The following PSMD14 variants were observed in gnomAD, a reference collection of about 807,000 sequenced individuals.
The protein encoded by PSMD14 is proteasome 26S subunit, non-ATPase 14.
A neutral mutation model predicts 41.2 loss-of-function variants in PSMD14; 7 were observed. The observed-to-expected ratio is 0.17, with a 90% confidence interval of 0.10 to 0.32. The LOEUF (loss-of-function observed/expected upper bound fraction) is 0.32. Ranked by LOEUF, PSMD14 falls within the 10% of genes least tolerant of loss-of-function variation. The pLI, the probability that PSMD14 is intolerant of heterozygous loss-of-function variation, is 1.00. For missense variants in PSMD14, 139 were observed against 375.6 expected (o/e 0.37, Z 5.21); for synonymous variants, 114 against 122.3 (o/e 0.93, Z 0.45).
chr2:161,313,137 A>T (rs928219351), intron 1 of PSMD14, among the ~76,000 whole-genome samples: 2 of 152,082 alleles, frequency 1.3e-5, no homozygotes, highest in Non-Finnish European at 2.9e-5. Flanking sequence ...AAGGACAGGG[A>T]ACTTGTAAGT....
chr2:161,350,053 T>C (rs1199852714), intron 3 of PSMD14, among the ~76,000 whole-genome samples: 1 of 152,192 alleles, frequency 6.6e-6, no homozygotes, highest in East Asian at 1.9e-4. Flanking sequence ...GTATGCTTAT[T>C]TAAAGACAAA....
chr2:161,357,771 A>G (rs770749334), intron 3 of PSMD14, among the ~76,000 whole-genome samples: 9 of 152,158 alleles, frequency 5.9e-5, no homozygotes, highest in Non-Finnish European at 1.0e-4. Context: ...TGTATGAAAG[A>G]CGAGACTATT....
intron 2 of PSMD14, 69 bp downstream of exon 2, chr2:161,316,638 T>C (rs1282721560): frequency 6.6e-6 from 1 of 152,162 alleles, no homozygotes; most frequent in Admixed American, 6.5e-5. Context: ...AGTATGAAAA[T>C]GTATTATTTT....
chr2:161,398,522 C>T (rs532506907), intron 10 of PSMD14, among the ~76,000 whole-genome samples: 12 of 151,882 alleles, frequency 7.9e-5, no homozygotes, highest in South Asian at 2.1e-4. Context: ...TTTATTCATG[C>T]GGAGATGCAT....
chr2:161,312,751 T>C (rs1355154880), intron 1 of PSMD14, among the ~76,000 whole-genome samples: 1 of 152,246 alleles, frequency 6.6e-6, no homozygotes, highest in Admixed American at 6.5e-5. Flanking sequence ...GACCTTTTTA[T>C]TGCTTTTATT....
chr2:161,409,139 A>G lies in PSMD14; in HGVS notation c.834+240A>G, dbSNP rs557803326. On this transcript the variant is annotated intron_variant, in intron 11 of 11. Coordinates refer to ENST00000409682, the MANE Select transcript of PSMD14 (RefSeq NM_005805.6). ...AGTGAAAATAATTTACTAGGAACAA[A>G]TTAGGACACTTGTATCCTGAATTAA... Among the ~76,000 whole-genome samples the G allele has an allele frequency of 9.2e-5, 14 of 152,152 alleles. No individual in the cohort carries two copies. In the South Asian group the frequency reaches 2.9e-3, roughly 32 times the overall value.
At chr2:161,385,702 A>G in intron 8 of PSMD14, 131 bp downstream of exon 8, 1 of 558,534 alleles carries the variant, frequency 1.8e-6, no homozygotes, top group Non-Finnish European at 3.0e-6. Context: ...GTTTTAAAAG[A>G]ATTGTGGAAA....
At chr2:161,368,462 C>G (rs892091531) in intron 5 of PSMD14, among the ~76,000 whole-genome samples, 4 of 152,162 alleles carry the variant, frequency 2.6e-5, no homozygotes, top group East Asian at 3.9e-4. Flanking sequence ...GTACTCCATA[C>G]AAATTACCTG....
chr2:161,369,408 C>G (rs1448041250), intron 5 of PSMD14, among the ~76,000 whole-genome samples: 4 of 151,686 alleles, frequency 2.6e-5, no homozygotes, highest in African/African-American at 7.3e-5. Flanking sequence ...AGAAAAAAAC[C>G]GAAAACATTC....
chr2:161,345,709 A>G (rs867052741), intron 3 of PSMD14, among the ~76,000 whole-genome samples: 1 of 152,078 alleles, frequency 6.6e-6, no homozygotes, highest in Non-Finnish European at 1.5e-5. Context: ...TTTTAATCAC[A>G]TTTGGACAAA....
chr2:161,366,118 A>G (rs1683353909), intron 3 of PSMD14, among the ~76,000 whole-genome samples: 1 of 152,126 alleles, frequency 6.6e-6, no homozygotes, highest in Non-Finnish European at 1.5e-5. Context: ...CAGAGTTTTC[A>G]TTCTGAAAGA....
intron 3 of PSMD14, among the ~76,000 whole-genome samples, chr2:161,348,219 A>G (rs533536886): frequency 6.6e-6 from 1 of 152,352 alleles, no homozygotes; most frequent in South Asian, 2.1e-4. Context: ...TGGGACATTC[A>G]TAACAGCATT....
intron 7 of PSMD14, among the ~76,000 whole-genome samples, chr2:161,373,236 T>C (rs1281011133): frequency 6.6e-6 from 1 of 151,898 alleles, no homozygotes; most frequent in Non-Finnish European, 1.5e-5. Flanking sequence ...AAAAATAATA[T>C]ATCTAAAATT....
chr2:161,348,666 G>A (rs1329167026), intron 3 of PSMD14, among the ~76,000 whole-genome samples: 1 of 152,124 alleles, frequency 6.6e-6, no homozygotes, highest in African/African-American at 2.4e-5. Context: ...TGTTATTTGT[G>A]TATACTTATG....
At chr2:161,403,626 C>T (rs1437822933) in intron 10 of PSMD14, among the ~76,000 whole-genome samples, 9 of 152,082 alleles carry the variant, frequency 5.9e-5, no homozygotes, top group African/African-American at 2.2e-4. Flanking sequence ...AGAATGAGGT[C>T]CAAACCCCAT....
chr2:161,364,221 G>C (rs1028811722), intron 3 of PSMD14, among the ~76,000 whole-genome samples: 5 of 152,038 alleles, frequency 3.3e-5, no homozygotes, highest in East Asian at 1.9e-4. Flanking sequence ...TTCTCTCCAC[G>C]TCCAGCCGTT....
intron 3 of PSMD14, among the ~76,000 whole-genome samples, chr2:161,339,551 A>C (rs1682919830): frequency 1.3e-5 from 2 of 151,210 alleles, no homozygotes; most frequent in East Asian, 3.9e-4. Context: ...TGGACTGAAC[A>C]AAGGCTGAAT....
At chr2:161,400,859 G>GAA (rs1368128799) in intron 10 of PSMD14, among the ~76,000 whole-genome samples, 8 of 140,960 alleles carry the variant, frequency 5.7e-5, no homozygotes, top group Non-Finnish European at 1.2e-4. Flanking sequence ...CAGAAATATT[G>GAA]AAAAAAAAAA....
intron 3 of PSMD14, among the ~76,000 whole-genome samples, chr2:161,330,811 G>C (rs570750328): frequency 1.3e-5 from 2 of 152,220 alleles, no homozygotes; most frequent in South Asian, 4.1e-4. Context: ...GGACAATAGA[G>C]TAAATAATAA....
Sources: allele counts gnomAD v4.1 joint callset (sites outside exome capture counted in the v4.1 genomes callset), GRCh38; gene constraint gnomAD v4.1.1; transcripts MANE v1.5; gene names NCBI Gene and HGNC (gene_info 2026-07-23, HGNC 2026-07-21).